CLIP4: variants seen among roughly 807,000 people sequenced by gnomAD.
The protein encoded by CLIP4 is CAP-Gly domain-containing linker protein 4.
Under a neutral mutation model 73.1 loss-of-function variants are expected in CLIP4, and 47 were observed. The observed-to-expected ratio is 0.64, with a 90% CI of 0.51 to 0.82. The LOEUF is 0.82. CLIP4 is among the 40% of genes least tolerant of loss of function. The pLI is 0.00. For missense variants in CLIP4, 874 were observed against 852.9 expected, an observed-to-expected ratio of 1.02 and a Z score of -0.31; for synonymous variants, 306 against 295.4, an observed-to-expected ratio of 1.04 and a Z score of -0.37.
chr2:29,170,527 A>C (rs981085544), intron 14 of CLIP4, among the ~76,000 whole-genome samples: 1 of 152,202 alleles, frequency 6.6e-6, no homozygotes, highest in Admixed American at 6.5e-5. Context: ...GTGTTTTGCA[A>C]CTATTTCCCC....
chr2:29,181,557 T>C lies in CLIP4; in HGVS notation c.1797-15T>C. The C allele has an allele frequency of 1.3e-6, 2 of 1,534,156 alleles. No homozygotes were observed. Among genetic ancestry groups the C allele is most frequent in the Non-Finnish European group, 1.8e-6 (2 of 1,138,240 alleles). The stretch of plus-strand genomic sequence containing the variant: ...CAGCACTAAATAATTTTTCCCACTT[T>C]TCCCTTCCGCACAGATCGAAAGCTG... On this transcript the variant is annotated splice_polypyrimidine_tract_variant and intron_variant, in intron 15 of 15. Coordinates refer to ENST00000320081, the MANE Select transcript of CLIP4 (RefSeq NM_024692.6).
upstream of CLIP4, among the ~76,000 whole-genome samples, chr2:29,111,374 C>A (rs887057945): frequency 2.2e-4 from 34 of 152,248 alleles, no homozygotes; most frequent in African/African-American, 8.0e-4. Context: ...TAGCTGGAAA[C>A]TGGCAGTGCT....
rs767562193 is a variant in CLIP4 at position 29,181,709 on chromosome 2, C to G, written c.1934C>G (p.Pro645Arg). The G allele has an allele frequency of 6.2e-7, 1 of 1,614,174 alleles. No individual in the cohort carries two copies. The highest frequency in any genetic ancestry group is 8.5e-7 in the Non-Finnish European group (1 of 1,180,014). The change falls in exon 16 of 16, where the codon CCC (proline) becomes CGC (arginine). Residue 645 changes from proline to arginine, a missense_variant. Coordinates refer to ENST00000320081, the MANE Select transcript of CLIP4 (RefSeq NM_024692.6). ...NEMGTVRYVG[P>R]TDFASGIWLG... is the part of the protein sequence containing the mutation. ...ATGGGTACTGTTAGGTATGTGGGCC[C>G]CACTGACTTTGCTTCAGGTATCTGG...
chr2:29,177,018 A>T (rs1668383353), intron 15 of CLIP4, among the ~76,000 whole-genome samples: 1 of 152,130 alleles, frequency 6.6e-6, no homozygotes, highest in Admixed American at 6.5e-5. Flanking sequence ...GACCTACACG[A>T]TTGGCTCTTG....
chr2:29,101,601 C>T (rs757799712), intron 1 of CLIP4, among the ~76,000 whole-genome samples: 6 of 152,134 alleles, frequency 3.9e-5, no homozygotes, highest in African/African-American at 1.2e-4. Context: ...TCCCAGCCCA[C>T]GGACTCAAAT....
Position 29,160,486 on chromosome 2 carries a change from T to G in CLIP4, c.1534+19T>G, listed in dbSNP as rs1378548558. On this transcript the variant is annotated intron_variant, in intron 12 of 15. Coordinates refer to ENST00000320081, the MANE Select transcript of CLIP4 (RefSeq NM_024692.6). ...GCTCCAGGTAACTCATCTGCATATT[T>G]TCTTAACTTGAATTCTTTAGAGTAC... The G allele has an allele frequency of 6.2e-7, 1 of 1,612,384 alleles. No homozygotes were observed. The highest frequency in any genetic ancestry group is 8.5e-7 in the Non-Finnish European group (1 of 1,179,262).
intron 1 of CLIP4, among the ~76,000 whole-genome samples, chr2:29,110,331 G>C (rs1403418873): frequency 2.6e-5 from 4 of 152,232 alleles, no homozygotes; most frequent in African/African-American, 9.6e-5. Flanking sequence ...GGTAGAAGCA[G>C]TAGGAGGTTC....
intron 8 of CLIP4, among the ~76,000 whole-genome samples, chr2:29,152,199 A>G (rs982821911): frequency 1.3e-5 from 2 of 152,202 alleles, no homozygotes; most frequent in African/African-American, 2.4e-5. Flanking sequence ...TGTGGGATAA[A>G]TATAACTTCC....
intron 1 of CLIP4, among the ~76,000 whole-genome samples, chr2:29,107,378 T>TTTTG (rs1668253875): frequency 1.6e-5 from 2 of 128,580 alleles, no homozygotes; most frequent in African/African-American, 6.1e-5. Context: ...TTTTTTTTTT[T>TTTTG]TTTTTTTTTT....
intron 9 of CLIP4, among the ~76,000 whole-genome samples, chr2:29,155,493 CATATT>C (rs1438662420): frequency 2.6e-5 from 4 of 152,116 alleles, no homozygotes; most frequent in African/African-American, 9.7e-5. Flanking sequence ...TCCTGGTTGA[CATATT>C]ATACTTATTA....
intron 6 of CLIP4, among the ~76,000 whole-genome samples, chr2:29,137,093 G>A (rs113449099): frequency 0.012 from 1,770 of 151,798 alleles, 39 homozygotes; most frequent in African/African-American, 0.04. Context: ...AGGTTATATT[G>A]CCTGGTGCTG....
At chr2:29,176,025 T>C (rs928365725) in intron 15 of CLIP4, among the ~76,000 whole-genome samples, 1 of 152,192 alleles carries the variant, frequency 6.6e-6, no homozygotes, top group South Asian at 2.1e-4. Context: ...CCTCCCAAAG[T>C]GTTGGGATTA....
chr2:29,121,455 A>G lies in CLIP4; in HGVS notation c.67A>G (p.Ile23Val). 6.2e-7 allele frequency: 1 copy of G among 1,613,736 alleles called. No individual in the cohort carries two copies. The highest frequency in any genetic ancestry group is 1.3e-5 in the African/African-American group (1 of 75,008). ...TCCTTTGTTTGGAAGATACCCATTT[A>G]TATTTTCTGCTTCTGATACCCCAGT... ...GNPLFGRYPF[I>V]FSASDTPVIF... The change falls in exon 2 of 16, where the codon ATA becomes GTA. Residue 23 changes from isoleucine to valine, a missense_variant. Coordinates refer to ENST00000320081, the MANE Select transcript of CLIP4 (RefSeq NM_024692.6).
intron 6 of CLIP4, among the ~76,000 whole-genome samples, chr2:29,136,962 A>T (rs1171165813): frequency 4.6e-5 from 7 of 152,160 alleles, no homozygotes; most frequent in Non-Finnish European, 7.3e-5. Flanking sequence ...CTTAAAAAAA[A>T]AAAAGGTAAA....
intron 1 of CLIP4, among the ~76,000 whole-genome samples, chr2:29,106,184 C>A (rs1231550248): frequency 6.6e-6 from 1 of 151,874 alleles, no homozygotes; most frequent in Non-Finnish European, 1.5e-5. Flanking sequence ...ATTTCTCCAA[C>A]TGGAAAAAAA....
intron 2 of CLIP4, among the ~76,000 whole-genome samples, chr2:29,125,216 C>T (rs1173871338): frequency 3.9e-5 from 6 of 152,182 alleles, no homozygotes; most frequent in African/African-American, 1.2e-4. Context: ...TACCCCGGCC[C>T]CTGGTGCCAG....
chr2:29,168,450 T>G (rs1199926931), intron 14 of CLIP4, among the ~76,000 whole-genome samples: 1 of 151,698 alleles, frequency 6.6e-6, no homozygotes, highest in Non-Finnish European at 1.5e-5. Context: ...TTTGGTGTCT[T>G]TAGACTGGCA....
Position 29,174,598 on chromosome 2 carries a change from C to G in CLIP4, c.1796+153C>G, listed in dbSNP as rs1668215701. On this transcript the variant is annotated intron_variant, in intron 15 of 15. Transcript: ENST00000320081. The stretch of plus-strand genomic sequence containing the variant: ...TGTGATAAGTGTATTGAGAAGCGTT[C>G]TTCCTCCCTCCTTTGCAAGCGCAAT... 5 of 1,363,154 alleles carry G rather than the reference C, an allele frequency of 3.7e-6. No homozygotes were observed. The African/African-American group carries it at 7.4e-5, about 20-fold the overall frequency. 84.4% of individuals were successfully genotyped at this position (1,363,154 alleles called of 1,614,324 possible).
At chr2:29,146,520 A>G (rs1203836091) in intron 8 of CLIP4, among the ~76,000 whole-genome samples, 4 of 152,166 alleles carry the variant, frequency 2.6e-5, no homozygotes, top group South Asian at 2.1e-4. Context: ...TCTCTCTCAC[A>G]CACACCTATC....
Sources: allele counts gnomAD v4.1 joint callset (sites outside exome capture counted in the v4.1 genomes callset), GRCh38; gene constraint gnomAD v4.1.1; transcripts MANE v1.5; gene names NCBI Gene and HGNC (gene_info 2026-07-23, HGNC 2026-07-21).